The following AKAP9 variants were observed in gnomAD, a reference collection of about 807,000 sequenced individuals.
The protein encoded by AKAP9 is A-kinase anchor protein 9.
A neutral mutation model predicts 488.5 loss-of-function variants in AKAP9; 311 were observed. The ratio of observed to expected loss-of-function variants is 0.64; its 90% CI spans 0.58 to 0.70. AKAP9 has a LOEUF of 0.70. AKAP9 is among the 30% of genes least tolerant of loss of function. AKAP9 has a pLI of 0.00. For synonymous variants in AKAP9, 1,462 were observed against 1,483.5 expected (o/e 0.99, Z 0.33); for missense variants, 4,215 against 4,374.5 (o/e 0.96, Z 1.03).
At chr7:91,989,787 A>G (rs1201906474) in intron 3 of AKAP9, among the ~76,000 whole-genome samples, 1 of 152,038 alleles carries the variant, frequency 6.6e-6, no homozygotes, top group Non-Finnish European at 1.5e-5. Flanking sequence ...AAAATATTCA[A>G]TATTAATGTT....
chr7:92,027,324 C>CTT (rs1803418465), intron 14 of AKAP9, among the ~76,000 whole-genome samples: 1 of 134,036 alleles, frequency 7.5e-6, no homozygotes, highest in Non-Finnish European at 1.6e-5. Flanking sequence ...GGCCGCCACC[C>CTT]CGTCTAGGAA....
At chr7:92,086,185 A>G (rs766675099) in intron 36 of AKAP9, 43 bp from the exon 37 acceptor site, 22 of 1,488,906 alleles carry the variant, frequency 1.5e-5, no homozygotes, top group Non-Finnish European at 2.1e-5. Flanking sequence ...TTTTTAAAAC[A>G]TGCTTATTTG....
chr7:92,026,829 C>A (rs1408976491), intron 14 of AKAP9, among the ~76,000 whole-genome samples: 1 of 151,598 alleles, frequency 6.6e-6, no homozygotes, highest in East Asian at 2.0e-4. Context: ...TGCCCGGCCG[C>A]CCCGTCTGGG....
In AKAP9 at chr7:91,994,765, C is replaced by A; in HGVS notation, c.721C>A (p.Gln241Lys). 6.2e-7 allele frequency: 1 copy of A among 1,610,520 alleles called. No individual in the cohort carries two copies. The highest frequency in any genetic ancestry group is 8.5e-7 in the Non-Finnish European group (1 of 1,178,476). The change falls in exon 6 of 50, where the codon CAA becomes AAA. Residue 241 changes from glutamine to lysine, a missense_variant. By Grantham distance (53) the Gln-to-Lys change is moderately conservative. Around this residue, in one of 5 missense-constraint regions of AKAP9, gnomAD observed 2,361 missense variants for 2,430.0 expected, o/e 0.97. Coordinates refer to ENST00000356239, the MANE Select transcript of AKAP9 (RefSeq NM_005751.5). ...AGAACAGAGTCAAAAATTACAGATT[C>A]AATTTCAGCAAGTAAGTATTACTAA... ...LTEQSQKLQI[Q>K]FQQLQASETL...
intron 14 of AKAP9, among the ~76,000 whole-genome samples, chr7:92,026,769 AG>A (rs1459516520): frequency 1.3e-5 from 2 of 152,110 alleles, no homozygotes; most frequent in East Asian, 3.9e-4. Flanking sequence ...CTAGGAAGTG[AG>A]GAGCATCTCT....
rs755797374 is a variant in AKAP9, at chr7:91,994,709, A to G, written c.665A>G (p.Asp222Gly). 13 of 1,613,350 alleles carry G rather than the reference A, an allele frequency of 8.1e-6. No homozygotes were observed. In the Admixed American group the frequency reaches 2.2e-4, roughly 27 times the overall value. ...ANLQQARREK[D>G]ETMREFLELT... ...TTACAACAAGCAAGAAGAGAAAAGG[A>G]TGAGACAATGAGAGAATTTTTAGAG... is the stretch of plus-strand genomic sequence containing the variant. Residue 222 changes from aspartate to glycine, a missense_variant, in exon 6 of 50, where the codon GAT becomes GGT. By Grantham distance (94) the Asp-to-Gly change is moderately conservative (BLOSUM62 -1). Transcript: ENST00000356239.
chr7:92,085,764 C>G, intron 36 of AKAP9, 78 bp downstream of exon 36: 2 of 1,109,922 alleles, frequency 1.8e-6, no homozygotes, highest in Non-Finnish European at 2.5e-6. Flanking sequence ...ATTAAATTAT[C>G]TTTTATACAT....
chr7:92,015,952 G>A (rs956367753), intron 10 of AKAP9, among the ~76,000 whole-genome samples, 177 bp from the exon 11 acceptor site: 11 of 152,144 alleles, frequency 7.2e-5, no homozygotes, highest in African/African-American at 2.7e-4. Context: ...TTTCATGCCA[G>A]AGAGATAGAT....
At position 91,981,652 on chromosome 7, in the gene AKAP9, C is replaced by T. The variant is rs375921405; in HGVS notation, c.351+1319C>T. On this transcript the variant is annotated intron_variant, in intron 3 of 49. Coordinates refer to ENST00000356239, the MANE Select transcript of AKAP9 (RefSeq NM_005751.5). ...CAAGATGGAGTCTCACTCTGTTGCC[C>T]AGACTGGAGTGCAGTGGTGCAGTGT... 2.1e-5 allele frequency among the ~76,000 whole-genome samples: 3 copies of T among 145,290 alleles called. No individual in the cohort carries two copies. The East Asian group carries it at 6.2e-4, about 30-fold the overall frequency.
At chr7:91,949,876 G>T (rs1334334500) in intron 1 of AKAP9, among the ~76,000 whole-genome samples, 1 of 152,126 alleles carries the variant, frequency 6.6e-6, no homozygotes, top group African/African-American at 2.4e-5. Context: ...TACCATCAGA[G>T]TTAAGATTCT....
chr7:91,973,006 C>T (rs1306411498), intron 1 of AKAP9, among the ~76,000 whole-genome samples: 1 of 152,118 alleles, frequency 6.6e-6, no homozygotes, highest in Non-Finnish European at 1.5e-5. Context: ...ATAGAAGACA[C>T]AGAAATTCCA....
chr7:91,970,995 T>C (rs1460573658), intron 1 of AKAP9, among the ~76,000 whole-genome samples: 1 of 152,068 alleles, frequency 6.6e-6, no homozygotes, highest in Non-Finnish European at 1.5e-5. Context: ...GGCGGTGACA[T>C]GGTACCAAAA....
At chr7:92,088,219 T>A (rs1814939622) in intron 37 of AKAP9, among the ~76,000 whole-genome samples, 1 of 152,202 alleles carries the variant, frequency 6.6e-6, no homozygotes. Flanking sequence ...ATAGACATCA[T>A]ACAGTTCCTA....
intron 4 of AKAP9, 66 bp from the exon 5 acceptor site, chr7:91,992,818 TA>T (rs2130636910): frequency 1.4e-6 from 2 of 1,461,414 alleles, no homozygotes; most frequent in East Asian, 4.6e-5. Context: ...TGGATTTCAG[TA>T]TTTGAATCTC....
chr7:92,059,417 T>G (rs1386052196), intron 22 of AKAP9, among the ~76,000 whole-genome samples: 1 of 151,776 alleles, frequency 6.6e-6, no homozygotes, highest in Non-Finnish European at 1.5e-5. Context: ...TTTTGCTAGA[T>G]TTACTGTATT....
rs1214156977 is a variant in AKAP9, at chr7:92,018,441, C to G, written c.3837+1339C>G. Among the ~76,000 whole-genome samples, 33 of 60,562 alleles carry G rather than the reference C, an allele frequency of 5.4e-4. 1 individual carries two copies. The highest frequency in any genetic ancestry group is 1.5e-3 in the South Asian group (3 of 1,944). The allele number at this position is 60,562 out of a possible 152,430, so 39.7% of individuals were successfully genotyped here. On this transcript the variant is annotated intron_variant, in intron 12 of 49. Coordinates refer to ENST00000356239, the MANE Select transcript of AKAP9 (RefSeq NM_005751.5). ...ACACACACACACACACACACACACA[C>G]AGAGAAATATTCAAAACTAAATGTT...
intron 23 of AKAP9, among the ~76,000 whole-genome samples, chr7:92,061,899 C>G (rs1009163331): frequency 6.6e-6 from 1 of 151,972 alleles, no homozygotes; most frequent in Admixed American, 6.6e-5. Context: ...AAATACCAAC[C>G]TTCTAATTTT....
intron 1 of AKAP9, among the ~76,000 whole-genome samples, chr7:91,963,148 G>T (rs1793935995): frequency 6.6e-6 from 1 of 151,952 alleles, no homozygotes; most frequent in African/African-American, 2.4e-5. Flanking sequence ...AATATATTTA[G>T]CAGTATTCCA....
At chr7:91,968,157 CA>C (rs1169315369) in intron 1 of AKAP9, among the ~76,000 whole-genome samples, 1 of 152,130 alleles carries the variant, frequency 6.6e-6, no homozygotes, top group Non-Finnish European at 1.5e-5. Context: ...AGGCTGGTCT[CA>C]AACTCCTGAG....
Sources: gnomAD v4.1 joint callset for allele counts (sites outside exome capture counted in the v4.1 genomes callset) on GRCh38, gnomAD v4.1.1 for gene constraint, gnomAD v4.1.1 regional missense constraint, MANE v1.5 for transcripts, NCBI Gene and HGNC (gene_info 2026-07-23, HGNC 2026-07-21) for gene names.